RBFOX1: variants seen among roughly 807,000 people sequenced by gnomAD.
RBFOX1 encodes RNA binding fox-1 homolog 1.
Under a neutral mutation model 57.7 loss-of-function variants are expected in RBFOX1, and 8 were observed. The ratio of observed to expected loss-of-function variants is 0.14; its 90% CI spans 0.08 to 0.25. RBFOX1 has a LOEUF of 0.25. Among genes scored for constraint, RBFOX1 ranks in the 10% least tolerant of loss-of-function variants. RBFOX1 has a pLI of 1.00. For synonymous variants in RBFOX1, 326 were observed against 222.4 expected, an observed-to-expected ratio of 1.47 and a Z score of -4.15; for missense variants, 611 against 548.5, an observed-to-expected ratio of 1.11 and a Z score of -1.14.
intron 3 of RBFOX1, among the ~76,000 whole-genome samples, chr16:6,875,772 T>C (rs972173777): frequency 6.6e-6 from 1 of 152,070 alleles, no homozygotes; most frequent in African/African-American, 2.4e-5. Flanking sequence ...TGGGAGGCCA[T>C]GACAGCAGGA....
intron 2 of RBFOX1, among the ~76,000 whole-genome samples, chr16:6,609,477 G>T (rs1182678425): frequency 6.6e-6 from 1 of 152,002 alleles, no homozygotes; most frequent in East Asian, 1.9e-4. Flanking sequence ...CCGAGTAACT[G>T]GGACAACAGG....
At chr16:5,700,551 GT>G (rs2051011511) in intron 3 of RBFOX1, among the ~76,000 whole-genome samples, 1 of 152,154 alleles carries the variant, frequency 6.6e-6, no homozygotes, top group Non-Finnish European at 1.5e-5. Context: ...TGGTTATGCA[GT>G]TTCACTGTGG....
chr16:5,980,703 C>G (rs145105991), intron 4 of RBFOX1, among the ~76,000 whole-genome samples: 1 of 152,124 alleles, frequency 6.6e-6, no homozygotes, highest in South Asian at 2.1e-4. Flanking sequence ...TTCATTCCCT[C>G]TTAGTGCTTC....
chr16:7,130,392 C>G (rs1414635839), intron 4 of RBFOX1, among the ~76,000 whole-genome samples: 1 of 152,092 alleles, frequency 6.6e-6, no homozygotes, highest in African/African-American at 2.4e-5. Flanking sequence ...CCATTGTGCT[C>G]TGGAAATTCT....
intron 4 of RBFOX1, among the ~76,000 whole-genome samples, chr16:7,310,494 A>C (rs2096283132): frequency 6.6e-6 from 1 of 152,192 alleles, no homozygotes; most frequent in Non-Finnish European, 1.5e-5. Context: ...TGGAGCACCC[A>C]GAGTCCTGTT....
intron 1 of RBFOX1, among the ~76,000 whole-genome samples, chr16:6,142,423 A>T (rs537511367): frequency 2.0e-5 from 3 of 151,802 alleles, no homozygotes; most frequent in South Asian, 2.1e-4. Context: ...GGGTTTCACC[A>T]TGTTAGCCAG....
chr16:7,375,244 A>G (rs1234506295), intron 4 of RBFOX1, among the ~76,000 whole-genome samples: 1 of 152,194 alleles, frequency 6.6e-6, no homozygotes, highest in East Asian at 1.9e-4. Flanking sequence ...GTTAAATGAC[A>G]CAGTCTGTAT....
intron 4 of RBFOX1, among the ~76,000 whole-genome samples, chr16:7,442,479 G>A (rs1189404505): frequency 6.6e-6 from 1 of 152,172 alleles, no homozygotes; most frequent in Admixed American, 6.5e-5. Context: ...AGGGCTCAAG[G>A]AGGTTGGGCA....
chr16:5,680,028 T>C (rs2050283349), intron 3 of RBFOX1, among the ~76,000 whole-genome samples: 1 of 152,100 alleles, frequency 6.6e-6, no homozygotes, highest in Admixed American at 6.5e-5. Flanking sequence ...GAATCAGAGA[T>C]AAAAAATGGA....
intron 4 of RBFOX1, among the ~76,000 whole-genome samples, chr16:5,955,006 C>T (rs756704089): frequency 2.0e-5 from 3 of 149,908 alleles, no homozygotes; most frequent in Admixed American, 1.4e-4. Flanking sequence ...TCTAGCTGGA[C>T]GTGGCAGCTC....
At chr16:7,602,071 T>C (rs2095053808) in intron 9 of RBFOX1, among the ~76,000 whole-genome samples, 1 of 152,212 alleles carries the variant, frequency 6.6e-6, no homozygotes, top group South Asian at 2.1e-4. Flanking sequence ...GGGTGCTCTC[T>C]GGAATGCGTT....
intron 4 of RBFOX1, among the ~76,000 whole-genome samples, chr16:5,883,828 C>G (rs1435706314): frequency 6.6e-6 from 1 of 152,170 alleles, no homozygotes; most frequent in Non-Finnish European, 1.5e-5. Context: ...AAAATGGTTT[C>G]TTTTCCCAGT....
chr16:5,326,286 C>T (rs1040817469), intron 1 of RBFOX1, among the ~76,000 whole-genome samples: 9 of 152,128 alleles, frequency 5.9e-5, no homozygotes, highest in South Asian at 2.1e-4. Context: ...TAACAGCTTT[C>T]GGATGTATGT....
chr16:7,337,512 C>T (rs529222280), intron 4 of RBFOX1, among the ~76,000 whole-genome samples: 4 of 152,108 alleles, frequency 2.6e-5, no homozygotes, highest in Middle Eastern at 3.4e-3. Context: ...TAGGATGTGA[C>T]GATGTTTAAA....
At chr16:6,767,741 C>G (rs1290688711) in intron 3 of RBFOX1, among the ~76,000 whole-genome samples, 2 of 151,544 alleles carry the variant, frequency 1.3e-5, no homozygotes. Flanking sequence ...TGGTGAAACC[C>G]CATCTCTACT....
chr16:6,255,567 A>G (rs565860802), intron 1 of RBFOX1, among the ~76,000 whole-genome samples: 1 of 152,252 alleles, frequency 6.6e-6, no homozygotes, highest in South Asian at 2.1e-4. Flanking sequence ...AACAGGAGGA[A>G]TGCGCTGTTC....
Position 6,783,717 on chromosome 16 carries a change from G to A in RBFOX1, c.-16+129067G>A, listed in dbSNP as rs2081426176. ...ATTAGAATATTCTGTATTTATTTGTGTGCTTGCTTTTACCAAGGAGCTTTA... is the reference window on the plus strand; with the variant it reads ...ATTAGAATATTCTGTATTTATTTGTATGCTTGCTTTTACCAAGGAGCTTTA... On this transcript the variant is annotated intron_variant, in intron 3 of 15. Transcript: ENST00000550418. Among the ~76,000 whole-genome samples the A allele has an allele frequency of 2.6e-5, 4 of 151,974 alleles. No homozygotes were observed. In the South Asian group the frequency reaches 8.3e-4, roughly 32 times the overall value.
chr16:6,750,137 G>C (rs936504955), intron 3 of RBFOX1, among the ~76,000 whole-genome samples: 11 of 152,158 alleles, frequency 7.2e-5, no homozygotes, highest in Non-Finnish European at 7.3e-5. Flanking sequence ...TGTTGTATTT[G>C]CATTGAGTGG....
In RBFOX1 at chr16:6,636,827, G is replaced by T. The variant is rs1436566777; in HGVS notation, c.-63-17776G>T. Among the ~76,000 whole-genome samples the T allele has an allele frequency of 3.3e-4, 11 of 32,926 alleles. 1 individual carries two copies. The highest frequency in any genetic ancestry group is 4.7e-4 in the Non-Finnish European group (6 of 12,830). 21.6% of individuals were successfully genotyped at this position (32,926 alleles called of 152,430 possible). A position where few individuals can be genotyped will look rare whatever the true frequency, so the allele number is the denominator to read the frequency against. On this transcript the variant is annotated intron_variant, in intron 2 of 15. Transcript: ENST00000550418. ...ATATAATATATAATATATAATATATGTTATATATAATATATAATATATATA... is the reference window on the plus strand; with the variant it reads ...ATATAATATATAATATATAATATATTTTATATATAATATATAATATATATA...
Sources: allele counts gnomAD v4.1 joint callset (sites outside exome capture counted in the v4.1 genomes callset), GRCh38; gene constraint gnomAD v4.1.1; transcripts MANE v1.5; gene names NCBI Gene and HGNC (gene_info 2026-07-23, HGNC 2026-07-21).